Variants in XRCC5 observed in about 807,000 individuals in gnomAD.
XRCC5 encodes the protein X-ray repair cross complementing 5.
A neutral mutation model predicts 95.7 loss-of-function variants in XRCC5; 12 were observed. The observed-to-expected ratio is 0.13, with a 90% CI of 0.08 to 0.20. XRCC5 has a LOEUF of 0.20. Among genes scored for constraint, XRCC5 ranks in the 10% least tolerant of loss-of-function variants. The pLI, the probability that XRCC5 is intolerant of heterozygous loss-of-function variation, is 1.00. For missense variants in XRCC5, 595 were observed against 873.9 expected, an observed-to-expected ratio of 0.68 and a Z score of 4.02; for synonymous variants, 281 against 290.3, an observed-to-expected ratio of 0.97 and a Z score of 0.33.
chr2:216,157,446 G>A (rs1688867720), intron 14 of XRCC5, among the ~76,000 whole-genome samples: 1 of 151,932 alleles, frequency 6.6e-6, no homozygotes. Context: ...TGTTAGCCAG[G>A]ATGATCTCGA....
At chr2:216,204,018 G>A in intron 19 of XRCC5, 1 of 314,598 alleles carries the variant, frequency 3.2e-6, no homozygotes, top group South Asian at 4.5e-5. Flanking sequence ...GGAAACAGCA[G>A]ATGTCCACCA....
intron 3 of XRCC5, 25 bp downstream of exon 3, chr2:216,116,867 C>T: frequency 6.2e-7 from 1 of 1,608,024 alleles, no homozygotes; most frequent in South Asian, 1.1e-5. Flanking sequence ...CCAGAGAAGA[C>T]TTTAAGAAAT....
intron 2 of XRCC5, among the ~76,000 whole-genome samples, chr2:216,115,113 T>C (rs557323750): frequency 1.8e-4 from 27 of 152,298 alleles, no homozygotes; most frequent in Non-Finnish European, 1.9e-4. Context: ...CAGTAAACTC[T>C]CACTTTGCTT....
Position 216,205,522 on chromosome 2 carries a change from TAG to T in XRCC5, c.*321_*322del. 2.9e-6 allele frequency: 1 copy of T among 350,864 alleles called. No individual in the cohort carries two copies. The allele number at this position is 350,864 out of a possible 1,614,324, so 21.7% of individuals were successfully genotyped here. On this transcript the variant is annotated 3_prime_UTR_variant, in exon 21 of 21. Transcript: ENST00000392132. The stretch of plus-strand genomic sequence containing the variant: ...CTGGAAAGTAGATCTTTTCTTGACC[TAG>T]TATATCAGTGACAGTTGCAGCCCTT...
chr2:216,183,906 A>G (rs905594489), intron 16 of XRCC5, among the ~76,000 whole-genome samples: 3 of 152,124 alleles, frequency 2.0e-5, no homozygotes, highest in Non-Finnish European at 4.4e-5. Context: ...TTTTTCCTCA[A>G]TAAGAATATT....
At chr2:216,123,021 G>A (rs568893022) in intron 6 of XRCC5, among the ~76,000 whole-genome samples, 1 of 152,236 alleles carries the variant, frequency 6.6e-6, no homozygotes, top group East Asian at 1.9e-4. Flanking sequence ...TGTCCTATGG[G>A]GTTCAATTTG....
At chr2:216,159,991 C>G in intron 14 of XRCC5, 77 bp from the exon 15 acceptor site, 2 of 603,150 alleles carry the variant, frequency 3.3e-6, no homozygotes, top group Non-Finnish European at 5.1e-6. Flanking sequence ...TTTTTTGGTG[C>G]TTGGAAAATA....
At chr2:216,199,272 G>T (rs1689790901) in intron 19 of XRCC5, among the ~76,000 whole-genome samples, 1 of 151,992 alleles carries the variant, frequency 6.6e-6, no homozygotes, top group African/African-American at 2.4e-5. Flanking sequence ...AATTATCCAG[G>T]GATGTTCATT....
chr2:216,118,054 T>G (rs62181330), intron 4 of XRCC5, among the ~76,000 whole-genome samples: 3 of 152,230 alleles, frequency 2.0e-5, no homozygotes, highest in Admixed American at 6.5e-5. Flanking sequence ...CTATTAGACT[T>G]AAGCTGATTA....
intron 16 of XRCC5, among the ~76,000 whole-genome samples, chr2:216,162,333 T>A (rs974762152): frequency 1.3e-5 from 2 of 152,218 alleles, no homozygotes; most frequent in African/African-American, 4.8e-5. Flanking sequence ...TGAAGTTTTT[T>A]AGGATTTTGT....
At chr2:216,175,457 G>T (rs1230885967) in intron 16 of XRCC5, 8 of 515,140 alleles carry the variant, frequency 1.6e-5, no homozygotes, top group African/African-American at 1.6e-4. Context: ...TCACTTTACA[G>T]TTGTGCTTGT....
In XRCC5 at chr2:216,121,940, A is replaced by T. The variant is rs1436162698; in HGVS notation, c.492-122A>T. ...GAGAATATTGGCTAAGGTAGGTAAGAGTCGTTTGACAGATGAGAAATTTGA... is the reference window on the plus strand; with the variant it reads ...GAGAATATTGGCTAAGGTAGGTAAGTGTCGTTTGACAGATGAGAAATTTGA... On this transcript the variant is annotated intron_variant, in intron 5 of 20. Coordinates refer to ENST00000392132, the MANE Select transcript of XRCC5 (RefSeq NM_021141.4). 4 of 859,748 alleles carry T rather than the reference A, an allele frequency of 4.7e-6. No individual in the cohort carries two copies. In the South Asian group the frequency reaches 6.7e-5, roughly 14 times the overall value. 53.3% of individuals were successfully genotyped at this position (859,748 alleles called of 1,614,324 possible).
At chr2:216,203,820 G>T (rs1689889902) in intron 19 of XRCC5, among the ~76,000 whole-genome samples, 1 of 148,644 alleles carries the variant, frequency 6.7e-6, no homozygotes, top group African/African-American at 2.5e-5. Context: ...TTTGTCCACA[G>T]TGGAATTTAA....
chr2:216,179,543 G>A (rs1056787944), intron 16 of XRCC5, among the ~76,000 whole-genome samples: 1 of 152,168 alleles, frequency 6.6e-6, no homozygotes, highest in African/African-American at 2.4e-5. Flanking sequence ...TAGAGGATCA[G>A]GGAAGTCCTC....
intron 14 of XRCC5, among the ~76,000 whole-genome samples, chr2:216,151,697 CAAAGTG>C (rs962602323): frequency 6.6e-6 from 1 of 152,156 alleles, no homozygotes; most frequent in African/African-American, 2.4e-5. Flanking sequence ...TAGGACCTGG[CAAAGTG>C]CCTAGCAAAT....
intron 16 of XRCC5, 48 bp downstream of exon 16, chr2:216,162,096 C>G: frequency 6.5e-7 from 1 of 1,527,906 alleles, no homozygotes; most frequent in Non-Finnish European, 9.1e-7. Context: ...GTTAAGCTAA[C>G]TAATTTAAAG....
intron 17 of XRCC5, among the ~76,000 whole-genome samples, chr2:216,192,251 C>A (rs956100597): frequency 3.9e-5 from 6 of 152,182 alleles, no homozygotes; most frequent in African/African-American, 1.4e-4. Flanking sequence ...AGCTCAGCCT[C>A]CCAAAGTGCT....
intron 8 of XRCC5, among the ~76,000 whole-genome samples, chr2:216,129,996 A>C (rs974924554): frequency 1.3e-5 from 2 of 152,122 alleles, no homozygotes; most frequent in Admixed American, 1.3e-4. Context: ...TTTCTTTTTA[A>C]TAAAATAAAT....
At chr2:216,142,864 A>G (rs1485351368) in intron 13 of XRCC5, among the ~76,000 whole-genome samples, 1 of 152,206 alleles carries the variant, frequency 6.6e-6, no homozygotes, top group African/African-American at 2.4e-5. Flanking sequence ...TTCTAAAATT[A>G]GAGATGTGAA....
Sources: allele counts gnomAD v4.1 joint callset (sites outside exome capture counted in the v4.1 genomes callset), GRCh38; gene constraint gnomAD v4.1.1; transcripts MANE v1.5; gene names NCBI Gene and HGNC (gene_info 2026-07-23, HGNC 2026-07-21).